CDKAL1: variants seen among roughly 807,000 people sequenced by gnomAD.
CDKAL1 encodes the protein threonylcarbamoyladenosine tRNA methylthiotransferase.
Under a neutral mutation model 68.2 loss-of-function variants are expected in CDKAL1, and 32 were observed. That is an observed-to-expected ratio of 0.47 (90% CI 0.35 to 0.63). The LOEUF (loss-of-function observed/expected upper bound fraction) is 0.63, where lower values mean the gene tolerates loss of function less well. Ranked by LOEUF, CDKAL1 falls within the 30% of genes least tolerant of loss-of-function variation. The pLI is 0.00. For synonymous variants in CDKAL1, 234 were observed against 244.3 expected (o/e 0.96, Z 0.39); for missense variants, 606 against 696.7 (o/e 0.87, Z 1.47).
At chr6:20,906,897 A>G (rs973162416) in intron 9 of CDKAL1, among the ~76,000 whole-genome samples, 4 of 152,242 alleles carry the variant, frequency 2.6e-5, no homozygotes, top group African/African-American at 7.2e-5. Context: ...TGAGGATGTT[A>G]ATATTAAGAG....
At chr6:21,000,143 G>T in intron 10 of CDKAL1, 84 bp from the exon 11 acceptor site, 2 of 1,010,354 alleles carry the variant, frequency 2.0e-6, no homozygotes, top group Admixed American at 4.1e-5. Context: ...ATGTTTATTT[G>T]CTTGCGCTTG....
intron 6 of CDKAL1, among the ~76,000 whole-genome samples, chr6:20,747,484 G>A (rs538806273): frequency 3.3e-5 from 5 of 152,130 alleles, no homozygotes; most frequent in South Asian, 4.2e-4. Flanking sequence ...CTACTTCCTC[G>A]CTGACACTCG....
At chr6:21,014,672 A>T (rs554591425) in intron 11 of CDKAL1, among the ~76,000 whole-genome samples, 1 of 151,994 alleles carries the variant, frequency 6.6e-6, no homozygotes, top group African/African-American at 2.4e-5. Flanking sequence ...AAACAACTGA[A>T]TTTTTTTTAT....
intron 4 of CDKAL1, among the ~76,000 whole-genome samples, chr6:20,609,521 G>A (rs906092581): frequency 1.3e-5 from 2 of 150,868 alleles, no homozygotes; most frequent in African/African-American, 4.9e-5. Context: ...TCAGCCTCCC[G>A]AGTAGCTAGG....
chr6:20,568,753 A>AAAAAAAAAAAAC (rs1561931956), intron 4 of CDKAL1, among the ~76,000 whole-genome samples: 1 of 127,508 alleles, frequency 7.8e-6, no homozygotes, highest in Non-Finnish European at 1.6e-5. Context: ...AAAAAAAACA[A>AAAAAAAAAAAAC]AAAAACAAAA....
chr6:20,577,561 C>A (rs766186834), intron 4 of CDKAL1, among the ~76,000 whole-genome samples: 3 of 152,190 alleles, frequency 2.0e-5, no homozygotes, highest in Non-Finnish European at 4.4e-5. Context: ...TACATAATAG[C>A]TAGAATGGAA....
chr6:20,950,947 G>A (rs1764494678), intron 9 of CDKAL1, among the ~76,000 whole-genome samples: 1 of 149,702 alleles, frequency 6.7e-6, no homozygotes, highest in Non-Finnish European at 1.5e-5. Context: ...TCCAGCCTGG[G>A]TGACAGAGTG....
chr6:20,624,298 C>T (rs947362185), intron 4 of CDKAL1, among the ~76,000 whole-genome samples: 1 of 151,936 alleles, frequency 6.6e-6, no homozygotes, highest in Non-Finnish European at 1.5e-5. Context: ...CCCATGTAGA[C>T]AGCCACCACC....
intron 11 of CDKAL1, among the ~76,000 whole-genome samples, chr6:21,032,912 A>G (rs559469805): frequency 1.3e-4 from 20 of 152,194 alleles, no homozygotes; most frequent in South Asian, 2.1e-4. Flanking sequence ...CATAGTAGTC[A>G]ATTTAAAAAT....
At chr6:20,804,103 A>G (rs1359221194) in intron 8 of CDKAL1, among the ~76,000 whole-genome samples, 2 of 152,228 alleles carry the variant, frequency 1.3e-5, no homozygotes, top group Non-Finnish European at 2.9e-5. Context: ...TTTGAATATA[A>G]CTACACTATA....
intron 13 of CDKAL1, among the ~76,000 whole-genome samples, chr6:21,195,437 A>G (rs1030605287): frequency 6.6e-6 from 1 of 152,036 alleles, no homozygotes; most frequent in Non-Finnish European, 1.5e-5. Flanking sequence ...TGCTGGGATT[A>G]CAGGCATGAG....
chr6:20,624,800 A>G (rs1191345537), intron 4 of CDKAL1, among the ~76,000 whole-genome samples: 3 of 152,128 alleles, frequency 2.0e-5, no homozygotes, highest in African/African-American at 7.2e-5. Context: ...CCTGCGGAGT[A>G]TATAGAGGCC....
intron 5 of CDKAL1, 58 bp from the exon 6 acceptor site, chr6:20,739,461 T>C: frequency 9.3e-7 from 1 of 1,071,610 alleles, no homozygotes; most frequent in South Asian, 1.4e-5. Flanking sequence ...TAACAACAGT[T>C]TCCAAGAGTA....
At chr6:20,730,963 T>G (rs1772898080) in intron 5 of CDKAL1, among the ~76,000 whole-genome samples, 1 of 151,716 alleles carries the variant, frequency 6.6e-6, no homozygotes, top group Non-Finnish European at 1.5e-5. Flanking sequence ...TTGAGGCAGA[T>G]GAAGGAAAGT....
intron 9 of CDKAL1, among the ~76,000 whole-genome samples, chr6:20,897,871 T>G (rs1261340843): frequency 6.6e-6 from 1 of 152,090 alleles, no homozygotes; most frequent in Admixed American, 6.5e-5. Context: ...ATTTATTTCA[T>G]TATTAATTAG....
chr6:21,008,782 G>A (rs1289078915), intron 11 of CDKAL1, among the ~76,000 whole-genome samples: 1 of 152,108 alleles, frequency 6.6e-6, no homozygotes, highest in Non-Finnish European at 1.5e-5. Flanking sequence ...GGGATAATAC[G>A]TGTCTGTTGA....
chr6:20,868,319 G>T (rs1760016230), intron 9 of CDKAL1, among the ~76,000 whole-genome samples: 1 of 152,180 alleles, frequency 6.6e-6, no homozygotes, highest in African/African-American at 2.4e-5. Flanking sequence ...AAATTTTCAT[G>T]CTGTTCTGCA....
chr6:20,759,602 G>C (rs79231777), intron 7 of CDKAL1, among the ~76,000 whole-genome samples: 150 of 152,226 alleles, frequency 9.9e-4, no homozygotes, highest in African/African-American at 3.5e-3. Flanking sequence ...CACATAATTA[G>C]GTTGTTTTGT....
chr6:20,744,717 A>G (rs939824897), intron 6 of CDKAL1, among the ~76,000 whole-genome samples: 2 of 152,180 alleles, frequency 1.3e-5, no homozygotes, highest in African/African-American at 4.8e-5. Context: ...TTCCTAAGGT[A>G]GTGTTATTTA....
Sources: gnomAD v4.1 joint callset for allele counts (sites outside exome capture counted in the v4.1 genomes callset) on GRCh38, gnomAD v4.1.1 for gene constraint, MANE v1.5 for transcripts, NCBI Gene and HGNC (gene_info 2026-07-23, HGNC 2026-07-21) for gene names.